The following TOGARAM1 variants were observed in gnomAD, a reference collection of about 807,000 sequenced individuals.
TOGARAM1 encodes the protein TOG array regulator of axonemal microtubules 1, also known as TOG array regulator of axonemal microtubules protein 1.
In TOGARAM1, 100 loss-of-function variants were observed where a neutral mutation model predicts 166.6. The observed-to-expected ratio is 0.60, with a 90% CI of 0.51 to 0.71. The LOEUF (loss-of-function observed/expected upper bound fraction) is 0.71, where lower values mean the gene tolerates loss of function less well. TOGARAM1 is among the 30% of genes least tolerant of loss of function. TOGARAM1 has a pLI of 0.00. For synonymous variants in TOGARAM1, 758 were observed against 763.8 expected, an observed-to-expected ratio of 0.99 and a Z score of 0.13; for missense variants, 2,029 against 2,102.7, an observed-to-expected ratio of 0.96 and a Z score of 0.69.
chr14:45,065,365 A>T (rs1340280513), intron 16 of TOGARAM1, among the ~76,000 whole-genome samples: 2 of 152,180 alleles, frequency 1.3e-5, no homozygotes, highest in Non-Finnish European at 2.9e-5. Context: ...CATAAAATAC[A>T]CCAACACTAA....
chr14:45,066,787 A>G lies in TOGARAM1; in HGVS notation c.4749+20A>G. 6.3e-7 allele frequency: 1 copy of G among 1,598,828 alleles called. No homozygotes were observed. The highest frequency in any genetic ancestry group is 8.5e-7 in the Non-Finnish European group (1 of 1,169,672). Reference sequence around the variant, plus strand: ...GTGAAGGTAAGGACTTGTCAGAATTAATTTTAATGTGGGTATGGTGGCTCA... The same window carrying G: ...GTGAAGGTAAGGACTTGTCAGAATTGATTTTAATGTGGGTATGGTGGCTCA... On this transcript the variant is annotated intron_variant, in intron 17 of 19. Transcript: ENST00000361462.
In TOGARAM1 at chr14:45,028,437, A is replaced by C. The variant is rs1047938636; in HGVS notation, c.3658+108A>C. On this transcript the variant is annotated intron_variant, in intron 10 of 19. Transcript: ENST00000361462. ...TATGACTAAGAATGAAATATCTTAT[A>C]TAACACCGAAATTTGCAAGTTCTGC... The C allele has an allele frequency of 2.5e-6, 3 of 1,196,754 alleles. No homozygotes were observed. The African/African-American group carries it at 4.7e-5, about 19-fold the overall frequency. 74.1% of individuals were successfully genotyped at this position (1,196,754 alleles called of 1,614,324 possible). A position where few individuals can be genotyped will look rare whatever the true frequency, so the allele number is the denominator to read the frequency against.
chr14:45,046,747 C>A, intron 14 of TOGARAM1, 44 bp downstream of exon 14: 2 of 1,232,646 alleles, frequency 1.6e-6, no homozygotes, highest in Non-Finnish European at 2.1e-6. Flanking sequence ...TTAATAAGGG[C>A]TTAAAAGTAG....
rs1403443562 is a variant in TOGARAM1, at chr14:44,963,868, C to T, written c.1447C>T (p.His483Tyr). ...CLLLEHLKHK[H>Y]SRVREEVVNI... Reference sequence around the variant, plus strand: ...ACTCCTGGAACATCTCAAACATAAGCATTCCAGAGTGAGAGAGGAGGTGGT... The same window carrying T: ...ACTCCTGGAACATCTCAAACATAAGTATTCCAGAGTGAGAGAGGAGGTGGT... Residue 483 changes from histidine (H) to tyrosine (Y), a missense_variant, in exon 1 of 20, where the codon CAT becomes TAT. His to Tyr is a moderately conservative substitution (Grantham distance 83, BLOSUM62 2). This residue lies in a region of TOGARAM1 where 1,453 missense variants were observed against 1,432.2 expected (regional missense o/e 1.01). Coordinates refer to ENST00000361462, the MANE Select transcript of TOGARAM1 (RefSeq NM_001308120.2). 6.2e-7 allele frequency: 1 copy of T among 1,614,076 alleles called. No individual in the cohort carries two copies. Among genetic ancestry groups the T allele is most frequent in the South Asian group, 1.1e-5 (1 of 91,086 alleles).
chr14:45,004,247 A>G lies in TOGARAM1; in HGVS notation c.2525A>G (p.Asp842Gly). ...PLIISPKKSQ[D>G]NSVNFSNSWP... ...ATTATATCTCCAAAGAAGTCTCAAG[A>G]TAATTCTGTTAATTTCTCAAATTCC... The change falls in exon 4 of 20, where the codon GAT becomes GGT. Residue 842 changes from aspartate to glycine, a missense_variant. Physicochemically the swap from Asp to Gly is moderately conservative, Grantham distance 94 (BLOSUM62 -1). Around this residue, in one of 2 missense-constraint regions of TOGARAM1, gnomAD observed 1,453 missense variants for 1,432.2 expected, o/e 1.01. Transcript: ENST00000361462. 1 of 1,614,132 alleles carries G rather than the reference A, an allele frequency of 6.2e-7. No individual in the cohort carries two copies. The highest frequency in any genetic ancestry group is 8.5e-7 in the Non-Finnish European group (1 of 1,180,014).
chr14:45,006,203 AAGAT>A lies in TOGARAM1; in HGVS notation c.2843_2846del (p.Asp948ValfsTer9), dbSNP rs761055620. The A allele has an allele frequency of 6.2e-7, 1 of 1,613,648 alleles. No homozygotes were observed. Among genetic ancestry groups the A allele is most frequent in the Non-Finnish European group, 8.5e-7 (1 of 1,179,604 alleles). Reference sequence around the variant, plus strand: ...CCTGATGATATTTGGAAGTGTGAAAAAGATAGTCTTCCAATTGATCTTTCAGAAT... The same window carrying A: ...CCTGATGATATTTGGAAGTGTGAAAAAGTCTTCCAATTGATCTTTCAGAAT... On this transcript the variant is annotated frameshift_variant, in exon 5 of 20. Transcript: ENST00000361462. LOFTEE classifies it high-confidence loss of function.
intron 18 of TOGARAM1, among the ~76,000 whole-genome samples, chr14:45,070,138 C>T (rs761228871): frequency 5.9e-5 from 9 of 151,814 alleles, no homozygotes; most frequent in African/African-American, 1.5e-4. Flanking sequence ...ACCAAGATCA[C>T]GCCACTGCAC....
At chr14:45,037,813 G>C (rs946402856) in intron 11 of TOGARAM1, among the ~76,000 whole-genome samples, 26 of 151,324 alleles carry the variant, frequency 1.7e-4, no homozygotes, top group African/African-American at 5.8e-4. Context: ...GGATCACGAG[G>C]TCAGGAGATT....
intron 3 of TOGARAM1, among the ~76,000 whole-genome samples, chr14:45,000,526 A>G (rs529419559): frequency 6.6e-6 from 1 of 152,150 alleles, no homozygotes; most frequent in African/African-American, 2.4e-5. Context: ...ATTGCAAATG[A>G]CAGGATTTCA....
chr14:45,004,124 C>T lies in TOGARAM1; in HGVS notation c.2402C>T (p.Thr801Ile), dbSNP rs746578668. 6.2e-7 allele frequency: 1 copy of T among 1,614,094 alleles called. No homozygotes were observed. Among genetic ancestry groups the T allele is most frequent in the South Asian group, 1.1e-5 (1 of 91,078 alleles). The change falls in exon 4 of 20, where the codon ACT becomes ATT. Residue 801 changes from threonine (T) to isoleucine (I), a missense_variant. Around this residue, in one of 2 missense-constraint regions of TOGARAM1, gnomAD observed 1,453 missense variants for 1,432.2 expected, o/e 1.01. Transcript: ENST00000361462. ...QQTFGSQTECTSSNGQNPSPG... is the reference protein window; with the variant it reads ...QQTFGSQTECISSNGQNPSPG... ...ACATTTGGTAGTCAAACAGAGTGTA[C>T]TTCCTCAAATGGTCAAAATCCAAGT...
At chr14:44,999,858 A>G (rs1191817840) in intron 3 of TOGARAM1, among the ~76,000 whole-genome samples, 1 of 152,150 alleles carries the variant, frequency 6.6e-6, no homozygotes, top group Non-Finnish European at 1.5e-5. Flanking sequence ...AACATTTGTC[A>G]TTTCTTTGTG....
At chr14:45,043,255 G>A (rs1881818576) in intron 11 of TOGARAM1, among the ~76,000 whole-genome samples, 1 of 151,738 alleles carries the variant, frequency 6.6e-6, no homozygotes, top group Non-Finnish European at 1.5e-5. Flanking sequence ...TTGGCTCACT[G>A]CAACCTCCAC....
At chr14:45,023,829 C>T (rs922772800) in intron 7 of TOGARAM1, among the ~76,000 whole-genome samples, 1 of 152,072 alleles carries the variant, frequency 6.6e-6, no homozygotes, top group African/African-American at 2.4e-5. Flanking sequence ...CAACCTCTGC[C>T]TTTCAGGTTC....
At chr14:44,994,336 C>G (rs1887308312) in intron 1 of TOGARAM1, among the ~76,000 whole-genome samples, 1 of 151,892 alleles carries the variant, frequency 6.6e-6, no homozygotes, top group Non-Finnish European at 1.5e-5. Context: ...CCAGGCTGGT[C>G]TTGAACTCTT....
At chr14:45,065,070 A>G (rs1360160259) in intron 16 of TOGARAM1, among the ~76,000 whole-genome samples, 1 of 152,136 alleles carries the variant, frequency 6.6e-6, no homozygotes, top group East Asian at 1.9e-4. Flanking sequence ...GAACCTTACA[A>G]TATACTTACA....
chr14:45,050,425 G>T (rs1217943293), intron 14 of TOGARAM1, among the ~76,000 whole-genome samples: 1 of 151,816 alleles, frequency 6.6e-6, no homozygotes, highest in Non-Finnish European at 1.5e-5. Context: ...GCTAAGTTTT[G>T]TATTTTTTGT....
intron 1 of TOGARAM1, among the ~76,000 whole-genome samples, chr14:44,974,642 A>T (rs1167966445): frequency 1.3e-5 from 2 of 152,114 alleles, no homozygotes; most frequent in African/African-American, 4.8e-5. Flanking sequence ...AAGGTGTGGG[A>T]GGTGGGGAAG....
chr14:45,057,541 C>T (rs183376910), intron 16 of TOGARAM1, among the ~76,000 whole-genome samples: 1 of 152,148 alleles, frequency 6.6e-6, no homozygotes. Flanking sequence ...ATCCTCCTGC[C>T]TCAGCCTCAC....
In TOGARAM1 at chr14:45,033,296, C is replaced by T. The variant is rs139375827; in HGVS notation, c.3812+920C>T. The stretch of plus-strand genomic sequence containing the variant: ...TAGAAGTTCTGCAGAATTTAATCCA[C>T]TGGCATTCTCTTTCTACATTCATTT... On this transcript the variant is annotated intron_variant, in intron 11 of 19. Transcript: ENST00000361462. Among the ~76,000 whole-genome samples, 589 of 151,806 alleles carry T rather than the reference C, an allele frequency of 3.9e-3. 4 individuals are homozygous for T. Among genetic ancestry groups the T allele is most frequent in the Non-Finnish European group, 3.5e-3 (240 of 67,948 alleles).
Sources: gnomAD v4.1 joint callset for allele counts (sites outside exome capture counted in the v4.1 genomes callset) on GRCh38, gnomAD v4.1.1 for gene constraint, gnomAD v4.1.1 regional missense constraint, MANE v1.5 for transcripts, NCBI Gene and HGNC (gene_info 2026-07-23, HGNC 2026-07-21) for gene names.